LURAP1L: variants seen among roughly 807,000 people sequenced by gnomAD.
The protein encoded by LURAP1L is leucine rich adaptor protein 1-like.
LURAP1L carries 12 observed loss-of-function variants against 13.8 expected under a neutral mutation model. That is an observed-to-expected ratio of 0.87 (90% confidence interval 0.56 to 1.41). The LOEUF is 1.41. Ranked by LOEUF, LURAP1L falls within the 40% of genes most tolerant of loss-of-function variation. The pLI is 0.00. For synonymous variants in LURAP1L, 139 were observed against 119.2 expected, an observed-to-expected ratio of 1.17 and a Z score of -1.08; for missense variants, 375 against 292.9, an observed-to-expected ratio of 1.28 and a Z score of -2.04.
At position 12,821,478 on chromosome 9, in the gene LURAP1L, A is replaced by G; in HGVS notation, c.405A>G (p.Lys135=). Residue 135 remains lysine (K), a synonymous_variant, in exon 2 of 2, where the codon AAA becomes AAG. Transcript: ENST00000319264. Reference sequence around the variant, plus strand: ...CCATCAAGTGGATGATCGAAGAAAAAGCCACCATTACCAGCAGAGGCAGCA... The same window carrying G: ...CCATCAAGTGGATGATCGAAGAAAAGGCCACCATTACCAGCAGAGGCAGCA... ...IESIKWMIEE[K]ATITSRGSSL... is the part of the protein sequence containing the mutation. 3.7e-6 allele frequency: 6 copies of G among 1,614,142 alleles called. No homozygotes were observed. The highest frequency in any genetic ancestry group is 5.1e-6 in the Non-Finnish European group (6 of 1,180,034).
chr9:12,777,526 A>G lies in LURAP1L; in HGVS notation c.312+1499A>G, dbSNP rs147316004. ...AACCATGTCTTCTGTAATTTTACCC[A>G]TGGAATGTTAATATATTCACTTAAT... On this transcript the variant is annotated intron_variant, in intron 1 of 1. Coordinates refer to ENST00000319264, the MANE Select transcript of LURAP1L (RefSeq NM_203403.2). 149 of 981,242 alleles carry G rather than the reference A, an allele frequency of 1.5e-4. 1 individual carries two copies. In the African/African-American group the frequency reaches 2.5e-3, roughly 16 times the overall value. 60.8% of individuals were successfully genotyped at this position (981,242 alleles called of 1,614,324 possible). A position where few individuals can be genotyped will look rare whatever the true frequency, so the allele number is the denominator to read the frequency against.
chr9:12,803,630 A>G (rs1417516887), intron 1 of LURAP1L, among the ~76,000 whole-genome samples: 1 of 152,240 alleles, frequency 6.6e-6, no homozygotes, highest in Admixed American at 6.5e-5. Context: ...TGTCCAGGTA[A>G]AATTGTCTAC....
chr9:12,783,127 A>G (rs1287240791), intron 1 of LURAP1L, among the ~76,000 whole-genome samples: 1 of 152,020 alleles, frequency 6.6e-6, no homozygotes, highest in Non-Finnish European at 1.5e-5. Context: ...AGGTTTTTCC[A>G]TATGTAAGAT....
Position 12,775,568 on chromosome 9 carries a change from C to A in LURAP1L, c.-148C>A. On this transcript the variant is annotated 5_prime_UTR_variant, in exon 1 of 2. Transcript: ENST00000319264. ...GATTTCAGGGCTGATACCGCATAGGCGGTTATGGAAAGGACGGTACACCGG... is the reference window on the plus strand; with the variant it reads ...GATTTCAGGGCTGATACCGCATAGGAGGTTATGGAAAGGACGGTACACCGG... 1 of 1,313,570 alleles carries A rather than the reference C, an allele frequency of 7.6e-7. No homozygotes were observed. The highest frequency in any genetic ancestry group is 1.0e-6 in the Non-Finnish European group (1 of 999,022). 81.4% of individuals were successfully genotyped at this position (1,313,570 alleles called of 1,614,324 possible).
intron 1 of LURAP1L, among the ~76,000 whole-genome samples, chr9:12,794,003 G>A (rs973546939): frequency 6.6e-6 from 1 of 152,008 alleles, no homozygotes; most frequent in African/African-American, 2.4e-5. Flanking sequence ...TAATAAACAA[G>A]CCTGTTGAAA....
intron 1 of LURAP1L, among the ~76,000 whole-genome samples, chr9:12,783,255 G>A (rs1221250325): frequency 6.6e-6 from 1 of 152,034 alleles, no homozygotes; most frequent in African/African-American, 2.4e-5. Context: ...CTGATAAACA[G>A]TGATGAAGTG....
intron 1 of LURAP1L, among the ~76,000 whole-genome samples, chr9:12,819,568 A>C (rs532599541): frequency 6.6e-6 from 1 of 152,200 alleles, no homozygotes; most frequent in Admixed American, 6.5e-5. Flanking sequence ...AACTGACATA[A>C]ATCTGAATTA....
At position 12,779,067 on chromosome 9, in the gene LURAP1L, T is replaced by C. The variant is rs2118455412; in HGVS notation, c.312+3040T>C. Reference sequence around the variant, plus strand: ...CAGTGTATTGCTATGTGAATGTCTCTCTCTCTCTTTCTCTCTCATTCTCTC... The same window carrying C: ...CAGTGTATTGCTATGTGAATGTCTCCCTCTCTCTTTCTCTCTCATTCTCTC... On this transcript the variant is annotated intron_variant, in intron 1 of 1. Coordinates refer to ENST00000319264, the MANE Select transcript of LURAP1L (RefSeq NM_203403.2). Among the ~76,000 whole-genome samples, 4 of 152,164 alleles carry C rather than the reference T, an allele frequency of 2.6e-5. No individual in the cohort carries two copies. In the South Asian group the frequency reaches 8.3e-4, roughly 32 times the overall value.
chr9:12,779,779 T>A (rs1819244337), intron 1 of LURAP1L, among the ~76,000 whole-genome samples: 1 of 152,194 alleles, frequency 6.6e-6, no homozygotes, highest in Non-Finnish European at 1.5e-5. Flanking sequence ...TGAATATTTC[T>A]ATTCTTCTCC....
At chr9:12,799,048 A>G (rs1338893319) in intron 1 of LURAP1L, among the ~76,000 whole-genome samples, 1 of 152,158 alleles carries the variant, frequency 6.6e-6, no homozygotes, top group Non-Finnish European at 1.5e-5. Context: ...TGAAAGGCCA[A>G]TTCTACACTG....
intron 1 of LURAP1L, among the ~76,000 whole-genome samples, chr9:12,820,087 C>A (rs1170302474): frequency 6.6e-6 from 1 of 152,142 alleles, no homozygotes; most frequent in South Asian, 2.1e-4. Context: ...CTTACAGCAC[C>A]ACCTCCCCAA....
At chr9:12,784,624 T>C (rs779513301) in intron 1 of LURAP1L, among the ~76,000 whole-genome samples, 1 of 152,210 alleles carries the variant, frequency 6.6e-6, no homozygotes. Context: ...CTACTGCAAC[T>C]GTGCTGAGTC....
At position 12,777,416 on chromosome 9, in the gene LURAP1L, G is replaced by A. The variant is rs1819203306; in HGVS notation, c.312+1389G>A. 3 of 985,194 alleles carry A rather than the reference G, an allele frequency of 3.0e-6. No homozygotes were observed. The Admixed American group carries it at 1.8e-4, about 61-fold the overall frequency. The allele number at this position is 985,194 out of a possible 1,614,324, so 61.0% of individuals were successfully genotyped here. Reference sequence around the variant, plus strand: ...TTCCACAAGAAAATTTCTTGTACAAGGAATTAAGAATGTTGCTAACTCTGC... The same window carrying A: ...TTCCACAAGAAAATTTCTTGTACAAAGAATTAAGAATGTTGCTAACTCTGC... On this transcript the variant is annotated intron_variant, in intron 1 of 1. Coordinates refer to ENST00000319264, the MANE Select transcript of LURAP1L (RefSeq NM_203403.2).
intron 1 of LURAP1L, among the ~76,000 whole-genome samples, chr9:12,794,989 T>A (rs1819493735): frequency 6.6e-6 from 1 of 152,030 alleles, no homozygotes; most frequent in Non-Finnish European, 1.5e-5. Flanking sequence ...TATAGAAAAC[T>A]CTTGTTTAAT....
chr9:12,793,425 T>C (rs1355121615), intron 1 of LURAP1L, among the ~76,000 whole-genome samples: 1 of 152,112 alleles, frequency 6.6e-6, no homozygotes, highest in Admixed American at 6.6e-5. Context: ...CTTATAGAAT[T>C]AGACCGATGC....
At chr9:12,796,882 A>C (rs1819518000) in intron 1 of LURAP1L, among the ~76,000 whole-genome samples, 1 of 149,280 alleles carries the variant, frequency 6.7e-6, no homozygotes, top group Non-Finnish European at 1.5e-5. Context: ...TTCAAATTGC[A>C]GTTTGAAGAT....
chr9:12,814,200 A>G (rs959775220), intron 1 of LURAP1L: 1 of 152,200 alleles, frequency 6.6e-6, no homozygotes, highest in Non-Finnish European at 1.5e-5. Flanking sequence ...GCCACTACAG[A>G]TCACGGAGGA....
chr9:12,801,452 A>G (rs1241506676), intron 1 of LURAP1L, among the ~76,000 whole-genome samples: 1 of 152,116 alleles, frequency 6.6e-6, no homozygotes, highest in Non-Finnish European at 1.5e-5. Context: ...TGTAGTATGT[A>G]CATATATGCA....
chr9:12,792,163 G>T (rs1819449175), intron 1 of LURAP1L, among the ~76,000 whole-genome samples: 1 of 152,098 alleles, frequency 6.6e-6, no homozygotes, highest in African/African-American at 2.4e-5. Context: ...TAAAATAGTA[G>T]CTGGGAGGTT....
Sources: allele counts gnomAD v4.1 joint callset (sites outside exome capture counted in the v4.1 genomes callset), GRCh38; gene constraint gnomAD v4.1.1; transcripts MANE v1.5; gene names NCBI Gene and HGNC (gene_info 2026-07-23, HGNC 2026-07-21).